The following TOGARAM2 variants were observed in gnomAD, a reference collection of about 807,000 sequenced individuals.
TOGARAM2 encodes TOG array regulator of axonemal microtubules protein 2.
In TOGARAM2, 85 loss-of-function variants were observed where a neutral mutation model predicts 93.3. The observed-to-expected ratio is 0.91, with a 90% CI of 0.76 to 1.09. The LOEUF (loss-of-function observed/expected upper bound fraction) is 1.09. TOGARAM2 is among the 50% of genes least tolerant of loss of function. The pLI is 0.00. For missense variants in TOGARAM2, 1,277 were observed against 1,334.5 expected (o/e 0.96, Z 0.67); for synonymous variants, 593 against 552.8 (o/e 1.07, Z -1.02).
chr2:29,004,845 G>A (rs999878342), intron 6 of TOGARAM2, among the ~76,000 whole-genome samples: 1 of 149,372 alleles, frequency 6.7e-6, no homozygotes, highest in Non-Finnish European at 1.5e-5. Flanking sequence ...GTGTATGAGT[G>A]CATCTGTGTG....
At chr2:28,996,459 T>C (rs1672993379) in intron 2 of TOGARAM2, among the ~76,000 whole-genome samples, 1 of 152,126 alleles carries the variant, frequency 6.6e-6, no homozygotes, top group Non-Finnish European at 1.5e-5. Context: ...GACTGACTTT[T>C]TAAGCTCCCA....
At chr2:28,973,804 C>T (rs868190342) in intron 1 of TOGARAM2, among the ~76,000 whole-genome samples, 1 of 152,094 alleles carries the variant, frequency 6.6e-6, no homozygotes, top group Non-Finnish European at 1.5e-5. Context: ...GCTAGGATTA[C>T]AGGAATGAGC....
At chr2:29,031,014 A>G (rs1393686406) in intron 14 of TOGARAM2, among the ~76,000 whole-genome samples, 2 of 152,228 alleles carry the variant, frequency 1.3e-5, no homozygotes, top group Admixed American at 6.5e-5. Context: ...AAGAGGCACA[A>G]TGGGGACTCC....
intron 10 of TOGARAM2, among the ~76,000 whole-genome samples, chr2:29,019,447 G>T (rs541605453): frequency 6.6e-6 from 1 of 152,234 alleles, no homozygotes; most frequent in Non-Finnish European, 1.5e-5. Context: ...TGGGATTACA[G>T]GTGTGAGCCA....
intron 4 of TOGARAM2, among the ~76,000 whole-genome samples, chr2:28,999,962 C>G (rs573665008): frequency 6.6e-6 from 1 of 151,944 alleles, no homozygotes; most frequent in South Asian, 2.1e-4. Context: ...CACCCCTCCT[C>G]CGTTTCCCAC....
At chr2:29,017,059 C>A in intron 8 of TOGARAM2, 95 bp from the exon 9 acceptor site, 1 of 1,484,870 alleles carries the variant, frequency 6.7e-7, no homozygotes, top group Non-Finnish European at 9.2e-7. Flanking sequence ...ACTTCCAGGA[C>A]AGCAATTGGC....
chr2:29,032,912 C>T, intron 14 of TOGARAM2, 22 bp from the exon 15 acceptor site: 2 of 1,600,288 alleles, frequency 1.2e-6, no homozygotes, highest in African/African-American at 1.3e-5. Flanking sequence ...GTTTCTTTAT[C>T]TTGCTCTCTC....
chr2:29,046,595 C>T (rs940175133), intron 19 of TOGARAM2: 12 of 152,496 alleles, frequency 7.9e-5, no homozygotes, highest in Admixed American at 7.2e-4. Context: ...GATGTGCCGC[C>T]TTCCTCCCAC....
rs185124965 is a variant in TOGARAM2 at position 29,028,792 on chromosome 2, A to G, written c.2012+1781A>G. On this transcript the variant is annotated intron_variant, in intron 14 of 19. Coordinates refer to ENST00000379558, the MANE Select transcript of TOGARAM2 (RefSeq NM_199280.4). ...CCAACAGGATGGCAGAGCCAACAGG[A>G]TGCAGGTGGTAAGGGTTTCAAAGAC... Among the ~76,000 whole-genome samples, 5 of 152,302 alleles carry G rather than the reference A, an allele frequency of 3.3e-5. No homozygotes were observed. The East Asian group carries it at 9.6e-4, about 29-fold the overall frequency.
At chr2:29,019,836 G>A (rs887587750) in intron 10 of TOGARAM2, among the ~76,000 whole-genome samples, 12 of 152,096 alleles carry the variant, frequency 7.9e-5, no homozygotes, top group Non-Finnish European at 1.3e-4. Flanking sequence ...TAGTTTGGCT[G>A]GAAATGATAG....
chr2:28,983,210 T>A (rs1406780639), intron 1 of TOGARAM2, among the ~76,000 whole-genome samples: 26,645 of 76,430 alleles, frequency 0.35, 3,959 homozygotes, highest in Non-Finnish European at 0.46. Flanking sequence ...TTTTTTTTTT[T>A]TTTTTTTTTT....
At chr2:28,971,165 G>C (rs1039832996) in intron 1 of TOGARAM2, 1 of 152,194 alleles carries the variant, frequency 6.6e-6, no homozygotes, top group African/African-American at 2.4e-5. Flanking sequence ...TTCCAGAGGG[G>C]GGTTGAAACT....
chr2:28,991,156 C>T (rs1485389248), intron 1 of TOGARAM2, among the ~76,000 whole-genome samples: 1 of 152,018 alleles, frequency 6.6e-6, no homozygotes, highest in Admixed American at 6.5e-5. Flanking sequence ...TAACAAAACC[C>T]CTTGTTAGGA....
intron 18 of TOGARAM2, among the ~76,000 whole-genome samples, chr2:29,044,506 G>A (rs943095401): frequency 5.3e-5 from 8 of 152,076 alleles, no homozygotes; most frequent in Non-Finnish European, 8.8e-5. Context: ...CCCGGGACTC[G>A]GGACTGACAG....
At chr2:29,025,331 C>T (rs909112081) in intron 13 of TOGARAM2, among the ~76,000 whole-genome samples, 1 of 152,168 alleles carries the variant, frequency 6.6e-6, no homozygotes, top group African/African-American at 2.4e-5. Flanking sequence ...AGGTGCCTGC[C>T]CATTCCTGAC....
intron 6 of TOGARAM2, among the ~76,000 whole-genome samples, chr2:29,005,938 G>A (rs1249546544): frequency 6.8e-6 from 1 of 146,942 alleles, no homozygotes; most frequent in East Asian, 2.1e-4. Context: ...GAGTGTGTGT[G>A]TGGGGTATGT....
At chr2:29,019,966 C>G in intron 10 of TOGARAM2, among the ~76,000 whole-genome samples, 1 of 152,310 alleles carries the variant, frequency 6.6e-6, no homozygotes, top group East Asian at 1.9e-4. Context: ...GATTTCTCAG[C>G]GAGGCAAATT....
At chr2:28,997,578 G>A (rs534628329) in intron 2 of TOGARAM2, among the ~76,000 whole-genome samples, 2 of 152,348 alleles carry the variant, frequency 1.3e-5, no homozygotes, top group Admixed American at 6.5e-5. Flanking sequence ...GTCTTTTGCT[G>A]AGCCGAGGGA....
At chr2:29,015,812 C>A (rs1014796038) in intron 8 of TOGARAM2, among the ~76,000 whole-genome samples, 2 of 152,124 alleles carry the variant, frequency 1.3e-5, no homozygotes, top group East Asian at 1.9e-4. Context: ...AGCTCCTTCC[C>A]AGCCCTTCTT....
Sources: allele counts gnomAD v4.1 joint callset (sites outside exome capture counted in the v4.1 genomes callset), GRCh38; gene constraint gnomAD v4.1.1; transcripts MANE v1.5; gene names NCBI Gene and HGNC (gene_info 2026-07-23, HGNC 2026-07-21).